Variants in SPATA13 observed in about 807,000 individuals in gnomAD.
The protein encoded by SPATA13 is spermatogenesis-associated protein 13.
In SPATA13, 50 loss-of-function variants were observed where a neutral mutation model predicts 104.0. That is an observed-to-expected ratio of 0.48 (90% confidence interval 0.38 to 0.61). The LOEUF (loss-of-function observed/expected upper bound fraction) is 0.61. SPATA13 is among the 20% of genes least tolerant of loss of function. The pLI, the probability that SPATA13 is intolerant of heterozygous loss-of-function variation, is 0.00. For synonymous variants in SPATA13, 606 were observed against 667.5 expected (o/e 0.91, Z 1.42); for missense variants, 1,524 against 1,690.6 (o/e 0.90, Z 1.73).
intron 3 of SPATA13, among the ~76,000 whole-genome samples, chr13:24,023,779 C>A (rs1043331716): frequency 6.6e-6 from 1 of 152,182 alleles, no homozygotes; most frequent in Non-Finnish European, 1.5e-5. Flanking sequence ...GAAATTGATA[C>A]TCCCTGAGAA....
intron 4 of SPATA13, chr13:24,278,915 TC>T: frequency 2.4e-6 from 3 of 1,269,672 alleles, no homozygotes; most frequent in Non-Finnish European, 1.1e-6. Flanking sequence ...CTTCCTTCCT[TC>T]CTTCCTTCCC....
At chr13:23,986,530 A>G (rs182609497) in intron 2 of SPATA13, among the ~76,000 whole-genome samples, 122 of 152,216 alleles carry the variant, frequency 8.0e-4, no homozygotes, top group African/African-American at 2.7e-3. Context: ...TCAAGGATCA[A>G]CCCCTTGGCC....
At chr13:24,141,918 G>A (rs577673697) in intron 3 of SPATA13, among the ~76,000 whole-genome samples, 4 of 152,248 alleles carry the variant, frequency 2.6e-5, no homozygotes, top group Admixed American at 6.5e-5. Context: ...TTAACTGGGC[G>A]TGCAAATGGA....
intron 2 of SPATA13, among the ~76,000 whole-genome samples, chr13:24,239,835 T>C (rs1872748210): frequency 6.6e-6 from 1 of 151,966 alleles, no homozygotes; most frequent in Non-Finnish European, 1.5e-5. Context: ...AGTTCATTTT[T>C]ATAAAATCAT....
At chr13:24,160,719 T>G, upstream of SPATA13, 1 of 985,574 alleles carries the variant, frequency 1.0e-6, no homozygotes, top group African/African-American at 1.7e-5. Context: ...GTGGCTTGGC[T>G]GAGTGTGCTG....
intron 2 of SPATA13, among the ~76,000 whole-genome samples, chr13:23,990,214 T>C (rs982738923): frequency 6.6e-6 from 1 of 152,190 alleles, no homozygotes; most frequent in Non-Finnish European, 1.5e-5. Flanking sequence ...CTTTTCCACA[T>C]TCAGCAGTTT....
chr13:24,012,995 T>A (rs1210751099), intron 2 of SPATA13, among the ~76,000 whole-genome samples: 2 of 151,630 alleles, frequency 1.3e-5, no homozygotes, highest in African/African-American at 4.9e-5. Flanking sequence ...GACGGCAGAG[T>A]GGGGAGCAAG....
intron 11 of SPATA13, among the ~76,000 whole-genome samples, chr13:24,299,231 T>C (rs1352964092): frequency 6.6e-6 from 1 of 152,190 alleles, no homozygotes; most frequent in East Asian, 1.9e-4. Context: ...GGGCATCCTA[T>C]GTGCTTTCAA....
At chr13:24,190,647 GA>G (rs1445175714) in intron 1 of SPATA13, among the ~76,000 whole-genome samples, 1 of 151,954 alleles carries the variant, frequency 6.6e-6, no homozygotes, top group Non-Finnish European at 1.5e-5. Flanking sequence ...AGTGGAGGCT[GA>G]AGATTTGATG....
At chr13:24,207,877 A>G (rs1015772977) in intron 1 of SPATA13, among the ~76,000 whole-genome samples, 15 of 152,128 alleles carry the variant, frequency 9.9e-5, no homozygotes, top group Non-Finnish European at 1.6e-4. Flanking sequence ...GTCACTTTCT[A>G]TGGTGTGATC....
chr13:24,066,150 A>T (rs1179605704), intron 3 of SPATA13, among the ~76,000 whole-genome samples: 1 of 152,212 alleles, frequency 6.6e-6, no homozygotes, highest in Non-Finnish European at 1.5e-5. Flanking sequence ...GGACCAAGGT[A>T]ATAGTTGAAT....
chr13:23,989,969 A>G (rs1875333158), intron 2 of SPATA13, among the ~76,000 whole-genome samples: 1 of 152,182 alleles, frequency 6.6e-6, no homozygotes, highest in East Asian at 1.9e-4. Context: ...TTGACTTCCC[A>G]GCCTCCAGAA....
intron 3 of SPATA13, among the ~76,000 whole-genome samples, chr13:24,075,561 G>A (rs953196185): frequency 3.3e-5 from 5 of 152,116 alleles, no homozygotes; most frequent in Admixed American, 1.3e-4. Flanking sequence ...AGCTAGCTGG[G>A]TTTGCTGATG....
chr13:24,153,771 T>C (rs1882175237), intron 3 of SPATA13, among the ~76,000 whole-genome samples: 1 of 152,148 alleles, frequency 6.6e-6, no homozygotes, highest in South Asian at 2.1e-4. Flanking sequence ...TCCATGGAGA[T>C]TGATGACCAC....
intron 2 of SPATA13, among the ~76,000 whole-genome samples, chr13:24,229,450 C>T (rs1402114556): frequency 1.3e-5 from 2 of 152,154 alleles, no homozygotes; most frequent in East Asian, 3.9e-4. Flanking sequence ...TATGGAGTAA[C>T]TTCATCTGCC....
chr13:24,059,228 C>T (rs1204710317), intron 3 of SPATA13, among the ~76,000 whole-genome samples: 1 of 151,738 alleles, frequency 6.6e-6, no homozygotes, highest in Non-Finnish European at 1.5e-5. Context: ...CCCTCGGCCT[C>T]CTAAAGTGCT....
chr13:24,071,004 G>T (rs74765051), intron 3 of SPATA13, among the ~76,000 whole-genome samples: 1 of 152,108 alleles, frequency 6.6e-6, no homozygotes, highest in Non-Finnish European at 1.5e-5. Flanking sequence ...ATATGTCTAC[G>T]TCTGTGTTAA....
chr13:24,034,130 G>C (rs1162759329), intron 3 of SPATA13: 1 of 152,268 alleles, frequency 6.6e-6, no homozygotes, highest in Middle Eastern at 3.4e-3. Context: ...ACATTTAGCA[G>C]CTGTTTAAAA....
chr13:24,277,077 A>C (rs1875043548), intron 4 of SPATA13, among the ~76,000 whole-genome samples: 1 of 152,260 alleles, frequency 6.6e-6, no homozygotes, highest in Admixed American at 6.5e-5. Flanking sequence ...GATATACCGT[A>C]AAAGAATTTT....
Sources: gnomAD v4.1 joint callset for allele counts (sites outside exome capture counted in the v4.1 genomes callset) on GRCh38, gnomAD v4.1.1 for gene constraint, MANE v1.5 for transcripts, NCBI Gene and HGNC (gene_info 2026-07-23, HGNC 2026-07-21) for gene names.